Variants in ERBIN observed in about 807,000 individuals in gnomAD.
ERBIN encodes the protein erbb2 interacting protein, also known as densin-180-like protein.
Under a neutral mutation model 158.4 loss-of-function variants are expected in ERBIN, and 60 were observed. That is an observed-to-expected ratio of 0.38 (90% CI 0.31 to 0.47). The LOEUF (loss-of-function observed/expected upper bound fraction) is 0.47, where lower values mean the gene tolerates loss of function less well. Ranked by LOEUF, ERBIN falls within the 20% of genes least tolerant of loss-of-function variation. The probability of loss-of-function intolerance (pLI) is 0.99; values close to 1 mark genes in which losing one functional copy is unlikely to be tolerated. For synonymous variants in ERBIN, 594 were observed against 557.2 expected, an observed-to-expected ratio of 1.07 and a Z score of -0.93; for missense variants, 1,610 against 1,648.0, an observed-to-expected ratio of 0.98 and a Z score of 0.40.
chr5:66,020,172 T>A (rs1189058201), intron 7 of ERBIN, among the ~76,000 whole-genome samples: 2 of 151,812 alleles, frequency 1.3e-5, no homozygotes, highest in Non-Finnish European at 2.9e-5. Flanking sequence ...AATTGAAGAG[T>A]TGATGACAGA....
At chr5:66,027,548 G>A (rs769907299) in intron 13 of ERBIN, among the ~76,000 whole-genome samples, 3 of 151,954 alleles carry the variant, frequency 2.0e-5, no homozygotes, top group African/African-American at 4.8e-5. Context: ...AGTACTGAAC[G>A]TGTACCAACT....
Position 66,053,981 on chromosome 5 carries a change from G to T in ERBIN, c.2663G>T (p.Ser888Ile), listed in dbSNP as rs1042142555. ...IGGLKIYDIL[S>I]DNGPQQPSTT... is the part of the protein sequence containing the mutation. ...GGGCTAAAAATCTATGATATTCTTA[G>T]TGATAATGGACCTCAGCAGCCAAGT... The change falls in exon 21 of 26, where the codon AGT becomes ATT. Residue 888 changes from serine to isoleucine, a missense_variant. Physicochemically the swap from Ser to Ile is moderately radical, Grantham distance 142. Coordinates refer to ENST00000284037, the MANE Select transcript of ERBIN (RefSeq NM_001253697.2). 1.2e-6 allele frequency: 2 copies of T among 1,613,996 alleles called. No individual in the cohort carries two copies. Among genetic ancestry groups the T allele is most frequent in the Admixed American group, 3.3e-5 (2 of 59,994 alleles).
Position 65,973,028 on chromosome 5 carries a change from C to T in ERBIN, c.-57-15607C>T, listed in dbSNP as rs74798014. ...AAGAATAAACTTATAAAGAAATTCACCTTAAGAAATTAGGGCCTTGTCACA... is the reference window on the plus strand; with the variant it reads ...AAGAATAAACTTATAAAGAAATTCATCTTAAGAAATTAGGGCCTTGTCACA... On this transcript the variant is annotated intron_variant, in intron 1 of 25. Coordinates refer to ENST00000284037, the MANE Select transcript of ERBIN (RefSeq NM_001253697.2). Among the ~76,000 whole-genome samples, 331 of 151,310 alleles carry T rather than the reference C, an allele frequency of 2.2e-3. 5 individuals carry two copies. The highest frequency in any genetic ancestry group is 0.017 in the Middle Eastern group (5 of 294).
At chr5:65,967,980 G>A (rs2150978702) in intron 1 of ERBIN, among the ~76,000 whole-genome samples, 1 of 152,292 alleles carries the variant, frequency 6.6e-6, no homozygotes, top group African/African-American at 2.4e-5. Flanking sequence ...AAGGAAAAGG[G>A]CAAAAGCCTA....
At chr5:65,979,587 A>T (rs1302466599) in intron 1 of ERBIN, among the ~76,000 whole-genome samples, 2 of 152,258 alleles carry the variant, frequency 1.3e-5, no homozygotes. Context: ...AGAAAAGAAC[A>T]TTAAGGCAAT....
intron 14 of ERBIN, among the ~76,000 whole-genome samples, chr5:66,036,125 T>A (rs1439965011): frequency 6.6e-6 from 1 of 152,090 alleles, no homozygotes; most frequent in Non-Finnish European, 1.5e-5. Flanking sequence ...TTATAAATAA[T>A]CTGTGGTACT....
At position 65,954,180 on chromosome 5, in the gene ERBIN, C is replaced by A. The variant is rs146744558; in HGVS notation, c.-58+27374C>A. 6.6e-5 allele frequency among the ~76,000 whole-genome samples: 10 copies of A among 152,208 alleles called. No homozygotes were observed. In the East Asian group the frequency reaches 1.9e-3, roughly 29 times the overall value. ...AAAAGCGCATATAATTTACCCCCCACCTAGATTGTTCTCCTCTCACCCCCA... is the reference window on the plus strand; with the variant it reads ...AAAAGCGCATATAATTTACCCCCCAACTAGATTGTTCTCCTCTCACCCCCA... On this transcript the variant is annotated intron_variant, in intron 1 of 25. Transcript: ENST00000284037.
chr5:66,036,520 A>G (rs1269050363), intron 14 of ERBIN, among the ~76,000 whole-genome samples: 1 of 152,176 alleles, frequency 6.6e-6, no homozygotes, highest in Non-Finnish European at 1.5e-5. Context: ...TAATCATTCA[A>G]GATAGTGGTA....
At chr5:66,072,425 T>C in intron 22 of ERBIN, 134 bp downstream of exon 22, 1 of 858,918 alleles carries the variant, frequency 1.2e-6, no homozygotes, top group Non-Finnish European at 1.7e-6. Flanking sequence ...TAAGGATTTT[T>C]AAAATATCAG....
At chr5:66,026,088 A>C (rs1420872621) in intron 12 of ERBIN, 111 bp downstream of exon 12, 24 of 1,010,542 alleles carry the variant, frequency 2.4e-5, no homozygotes, top group Non-Finnish European at 3.2e-5. Context: ...ATAGTTTTCA[A>C]GTTATTTATT....
intron 21 of ERBIN, among the ~76,000 whole-genome samples, chr5:66,062,134 T>A (rs1760458934): frequency 1.3e-5 from 2 of 151,054 alleles, no homozygotes; most frequent in African/African-American, 4.9e-5. Flanking sequence ...TATCCTGCAG[T>A]GTTTTCCAAC....
At chr5:66,057,348 A>G (rs1344747095) in intron 21 of ERBIN, among the ~76,000 whole-genome samples, 1 of 152,192 alleles carries the variant, frequency 6.6e-6, no homozygotes, top group African/African-American at 2.4e-5. Context: ...TAACTGCTAA[A>G]TAAGTGTTTA....
At chr5:66,003,439 G>C (rs1045005136) in intron 4 of ERBIN, among the ~76,000 whole-genome samples, 1 of 152,312 alleles carries the variant, frequency 6.6e-6, no homozygotes, top group East Asian at 1.9e-4. Flanking sequence ...ATGGGATGCT[G>C]TCAAGAAGTG....
chr5:66,066,236 G>T (rs1760981134), intron 21 of ERBIN, among the ~76,000 whole-genome samples: 1 of 152,158 alleles, frequency 6.6e-6, no homozygotes, highest in South Asian at 2.1e-4. Context: ...TACTTTAATA[G>T]CAGCAGGATT....
At chr5:65,974,622 T>A (rs1479737797) in intron 1 of ERBIN, among the ~76,000 whole-genome samples, 1 of 152,240 alleles carries the variant, frequency 6.6e-6, no homozygotes. Context: ...GGTCATTCTC[T>A]AGACAGACTG....
intron 1 of ERBIN, among the ~76,000 whole-genome samples, chr5:65,944,018 A>G (rs1344795150): frequency 6.6e-6 from 1 of 152,180 alleles, no homozygotes; most frequent in Non-Finnish European, 1.5e-5. Flanking sequence ...TTGTATGTAT[A>G]TACCACATTT....
chr5:66,035,332 C>T (rs1440234164), intron 14 of ERBIN, among the ~76,000 whole-genome samples: 1 of 152,184 alleles, frequency 6.6e-6, no homozygotes, highest in Non-Finnish European at 1.5e-5. Context: ...ATACCACGTT[C>T]TGCCCCAAAT....
chr5:66,044,723 C>T (rs887741141), intron 17 of ERBIN, among the ~76,000 whole-genome samples: 2 of 151,662 alleles, frequency 1.3e-5, no homozygotes, highest in Admixed American at 6.6e-5. Context: ...CGAGATCGTA[C>T]CACTGTGCTC....
Position 65,992,854 on chromosome 5 carries a change from A to G in ERBIN, c.136A>G (p.Lys46Glu). 6.2e-7 allele frequency: 1 copy of G among 1,613,382 alleles called. No individual in the cohort carries two copies. Among genetic ancestry groups the G allele is most frequent in the Admixed American group, 1.7e-5 (1 of 59,904 alleles). ...TCCGAAAGAGATTTTTACTTTTGAA[A>G]AAACCTTGGAGGAACTCTATTTAGA... ...QVPKEIFTFE[K>E]TLEELYLDAN... Residue 46 changes from lysine to glutamate, a missense_variant, in exon 3 of 26, where the codon AAA (lysine) becomes GAA (glutamate). Physicochemically the swap from Lys to Glu is moderately conservative, Grantham distance 56. This residue lies in a region of ERBIN where 596 missense variants were observed against 711.9 expected (regional missense o/e 0.84). Coordinates refer to ENST00000284037, the MANE Select transcript of ERBIN (RefSeq NM_001253697.2).
Sources: gnomAD v4.1 joint callset for allele counts (sites outside exome capture counted in the v4.1 genomes callset) on GRCh38, gnomAD v4.1.1 for gene constraint, gnomAD v4.1.1 regional missense constraint, MANE v1.5 for transcripts, NCBI Gene and HGNC (gene_info 2026-07-23, HGNC 2026-07-21) for gene names.